UBE2D3: variants seen among roughly 807,000 people sequenced by gnomAD.
UBE2D3 encodes ubiquitin-conjugating enzyme E2 D3.
A neutral mutation model predicts 22.8 loss-of-function variants in UBE2D3; 2 were observed. The observed-to-expected ratio is 0.09, with a 90% CI of 0.04 to 0.28. UBE2D3 has a LOEUF of 0.28. Ranked by LOEUF, UBE2D3 falls within the 10% of genes least tolerant of loss-of-function variation. The pLI is 1.00. For synonymous variants in UBE2D3, 56 were observed against 60.4 expected, an observed-to-expected ratio of 0.93 and a Z score of 0.34; for missense variants, 27 against 182.5, an observed-to-expected ratio of 0.15 and a Z score of 4.91.
intron 1 of UBE2D3, among the ~76,000 whole-genome samples, chr4:102,860,075 C>G (rs1732809482): frequency 6.6e-6 from 1 of 152,126 alleles, no homozygotes; most frequent in African/African-American, 2.4e-5. Context: ...TCTCGATCTC[C>G]TAACCTCATG....
At chr4:102,862,529 A>C (rs1732948068) in intron 1 of UBE2D3, among the ~76,000 whole-genome samples, 1 of 148,184 alleles carries the variant, frequency 6.7e-6, no homozygotes, top group Non-Finnish European at 1.5e-5. Context: ...ACCTTGATCA[A>C]ATGTCCTACT....
chr4:102,818,178 G>A (rs1729049110), intron 2 of UBE2D3, among the ~76,000 whole-genome samples: 1 of 152,168 alleles, frequency 6.6e-6, no homozygotes, highest in South Asian at 2.1e-4. Context: ...ATTGCTCAAG[G>A]TTCCACTCAC....
At chr4:102,822,614 A>G (rs1729787579) in intron 2 of UBE2D3, among the ~76,000 whole-genome samples, 1 of 152,198 alleles carries the variant, frequency 6.6e-6, no homozygotes, top group African/African-American at 2.4e-5. Context: ...TCAGGTAACA[A>G]ACTAAAATCA....
At chr4:102,807,454 T>C (rs926747667) in intron 4 of UBE2D3, among the ~76,000 whole-genome samples, 13 of 152,194 alleles carry the variant, frequency 8.5e-5, no homozygotes, top group African/African-American at 3.1e-4. Flanking sequence ...GACTCCTTCT[T>C]GAAATTTACC....
chr4:102,820,741 A>C (rs1729471574), intron 2 of UBE2D3, among the ~76,000 whole-genome samples: 1 of 152,166 alleles, frequency 6.6e-6, no homozygotes, highest in African/African-American at 2.4e-5. Context: ...AAAACAAACA[A>C]ACAAACAAAA....
At chr4:102,862,524 G>A (rs1036636559) in intron 1 of UBE2D3, among the ~76,000 whole-genome samples, 1 of 148,058 alleles carries the variant, frequency 6.8e-6, no homozygotes, top group South Asian at 2.1e-4. Flanking sequence ...CTTATACCTT[G>A]ATCAAATGTC....
intron 1 of UBE2D3, among the ~76,000 whole-genome samples, chr4:102,838,749 C>T (rs1334567768): frequency 4.0e-5 from 5 of 125,598 alleles, no homozygotes; most frequent in East Asian, 2.2e-4. Context: ...CAAGTAAAAG[C>T]GTAAAATATT....
intron 1 of UBE2D3, among the ~76,000 whole-genome samples, chr4:102,837,537 C>T (rs1341687394): frequency 6.6e-6 from 1 of 152,150 alleles, no homozygotes; most frequent in Non-Finnish European, 1.5e-5. Context: ...AAAGTATGTA[C>T]ACAGGCCAGG....
At chr4:102,803,719 A>G (rs1005083554) in intron 4 of UBE2D3, among the ~76,000 whole-genome samples, 1 of 152,228 alleles carries the variant, frequency 6.6e-6, no homozygotes, top group Admixed American at 6.5e-5. Context: ...AAGAAAGGTC[A>G]ATTTATTAAT....
At chr4:102,807,614 C>T (rs939578400) in intron 4 of UBE2D3, among the ~76,000 whole-genome samples, 3 of 152,078 alleles carry the variant, frequency 2.0e-5, no homozygotes, top group African/African-American at 7.2e-5. Context: ...CAGAAAACTG[C>T]TAGTCATTAT....
intron 1 of UBE2D3, among the ~76,000 whole-genome samples, chr4:102,860,947 C>T (rs1224698850): frequency 1.3e-5 from 2 of 151,928 alleles, no homozygotes; most frequent in African/African-American, 2.4e-5. Flanking sequence ...GGAGACTCCA[C>T]ATCTAGCTCT....
rs192092695 is a variant in UBE2D3, at chr4:102,803,003, T to C, written c.121-365A>G. Among the ~76,000 whole-genome samples the C allele has an allele frequency of 2.3e-3, 344 of 152,342 alleles. 2 individuals carry two copies. The highest frequency in any genetic ancestry group is 4.0e-3 in the Admixed American group (61 of 15,304). On this transcript the variant is annotated intron_variant, in intron 4 of 7. Transcript: ENST00000453744. ...TACACATGTAGATTATTTCTTCCAA[T>C]AGCCAGATGTGTACAAATGGCTTCA...
At chr4:102,828,336 C>T (rs1730895675), upstream of UBE2D3, among the ~76,000 whole-genome samples, 1 of 152,108 alleles carries the variant, frequency 6.6e-6, no homozygotes, top group Admixed American at 6.5e-5. Context: ...TATTTACTCG[C>T]CTGCCCTCCT....
chr4:102,860,656 A>C (rs1732852902), intron 1 of UBE2D3, among the ~76,000 whole-genome samples: 2 of 151,930 alleles, frequency 1.3e-5, no homozygotes, highest in Admixed American at 6.6e-5. Context: ...TCAATCTCAC[A>C]AAGCTAGACT....
chr4:102,805,373 C>T (rs1384931656), intron 4 of UBE2D3, among the ~76,000 whole-genome samples: 2 of 152,162 alleles, frequency 1.3e-5, no homozygotes, highest in South Asian at 2.1e-4. Context: ...CGACTCAAAT[C>T]GTACAAGTCC....
At chr4:102,819,745 T>C (rs1260803039) in intron 2 of UBE2D3, among the ~76,000 whole-genome samples, 5 of 152,182 alleles carry the variant, frequency 3.3e-5, no homozygotes, top group Non-Finnish European at 7.3e-5. Flanking sequence ...ATCTCTACCA[T>C]CTATTTTGCA....
chr4:102,837,600 A>T (rs1731478582), intron 1 of UBE2D3, among the ~76,000 whole-genome samples: 1 of 152,162 alleles, frequency 6.6e-6, no homozygotes, highest in Non-Finnish European at 1.5e-5. Flanking sequence ...AGGTGGGAGG[A>T]TCGCTTGGGC....
intron 6 of UBE2D3, 149 bp downstream of exon 6, chr4:102,801,305 C>T: frequency 4.9e-6 from 3 of 618,422 alleles, no homozygotes; most frequent in South Asian, 2.6e-5. Context: ...TAATCAACAC[C>T]ACTAAAAGAA....
At chr4:102,827,977 C>T (rs887086898), upstream of UBE2D3, 18 of 985,506 alleles carry the variant, frequency 1.8e-5, no homozygotes, top group Non-Finnish European at 2.0e-5. Flanking sequence ...GCGAGAACTT[C>T]GTGGCTGGCT....
Sources: gnomAD v4.1 joint callset for allele counts (sites outside exome capture counted in the v4.1 genomes callset) on GRCh38, gnomAD v4.1.1 for gene constraint, MANE v1.5 for transcripts, NCBI Gene and HGNC (gene_info 2026-07-23, HGNC 2026-07-21) for gene names.